The following OOSP2 variants were observed in gnomAD, a reference collection of about 807,000 sequenced individuals.
OOSP2 encodes the protein oocyte secreted protein 2.
Under a neutral mutation model 13.4 loss-of-function variants are expected in OOSP2, and 7 were observed. The observed-to-expected ratio is 0.52, with a 90% CI of 0.30 to 0.98. OOSP2 has a LOEUF of 0.98. Ranked by LOEUF, OOSP2 falls within the 50% of genes least tolerant of loss-of-function variation. The pLI is 0.07. For synonymous variants in OOSP2, 75 were observed against 67.2 expected (o/e 1.12, Z -0.57); for missense variants, 184 against 188.5 (o/e 0.98, Z 0.14).
chr11:60,040,463 G>A lies in OOSP2; in HGVS notation c.4G>A (p.Ala2Thr). ...GTCTGCTCAGACGAAGGTCTCCATG[G>A]CGTTAGAAGTCTTGATGCTCCTCGC... The part of the protein sequence containing the change: M[A>T]LEVLMLLAVL... Residue 2 changes from alanine to threonine, a missense_variant, in exon 1 of 4, where the codon GCG becomes ACG. Ala to Thr is a moderately conservative substitution (Grantham distance 58, BLOSUM62 0). Transcript: ENST00000278855. 1 of 1,590,212 alleles carries A rather than the reference G, an allele frequency of 6.3e-7. No homozygotes were observed. Among genetic ancestry groups the A allele is most frequent in the Non-Finnish European group, 8.6e-7 (1 of 1,158,214 alleles).
intron 3 of OOSP2, among the ~76,000 whole-genome samples, chr11:60,046,464 G>A (rs1855009600): frequency 6.6e-6 from 1 of 151,786 alleles, no homozygotes; most frequent in Admixed American, 6.6e-5. Context: ...ATGAAGACTT[G>A]GCCAACAAAG....
chr11:60,041,850 C>CAAAAAAAAAAAAAAA (rs571172974), intron 1 of OOSP2, among the ~76,000 whole-genome samples: 5 of 36,438 alleles, frequency 1.4e-4, no homozygotes, highest in African/African-American at 4.7e-4. Flanking sequence ...GACTCTGTCT[C>CAAAAAAAAAAAAAAA]AAAAAAAAAA....
intron 3 of OOSP2, chr11:60,046,717 T>C (rs772652401): frequency 4.3e-5 from 28 of 643,996 alleles, no homozygotes; most frequent in Non-Finnish European, 6.6e-5. Context: ...TACTCAGTGT[T>C]TGATGCAGAA....
chr11:60,047,153 T>C lies in OOSP2; in HGVS notation c.*80T>C, dbSNP rs1366095777. ...GTTTCATTTTTTCATAGCAAAAATA[T>C]AGTTGGTGTATATCTCTCCTTAAGT... On this transcript the variant is annotated 3_prime_UTR_variant, in exon 4 of 4. Transcript: ENST00000278855. 2.5e-6 allele frequency: 3 copies of C among 1,203,578 alleles called. 1 individual carries two copies. Among genetic ancestry groups the C allele is most frequent in the South Asian group, 2.9e-5 (2 of 68,838 alleles). The allele number at this position is 1,203,578 out of a possible 1,614,324, so 74.6% of individuals were successfully genotyped here. A position where few individuals can be genotyped will look rare whatever the true frequency, so the allele number is the denominator to read the frequency against.
rs1396517841 is a variant in OOSP2 at position 60,046,971 on chromosome 11, T to C, written c.375T>C (p.Ser125=). The C allele has an allele frequency of 6.2e-7, 1 of 1,610,372 alleles. No homozygotes were observed. Among genetic ancestry groups the C allele is most frequent in the Non-Finnish European group, 8.5e-7 (1 of 1,176,664 alleles). ...AATCAGTGTGGCTTACACCAGTTTC[T>C]ACTGAGAATGAAATAAAATTGGATC... ...SRKSVWLTPV[S]TENEIKLDPS... Residue 125 remains serine, a synonymous_variant, in exon 4 of 4, where the codon TCT becomes TCC. Coordinates refer to ENST00000278855, the MANE Select transcript of OOSP2 (RefSeq NM_173801.5).
rs189418565 is a variant in OOSP2, at chr11:60,044,483, G to A, written c.244-188G>A. Among the ~76,000 whole-genome samples, 580 of 152,298 alleles carry A rather than the reference G, an allele frequency of 3.8e-3. 3 individuals carry two copies. The highest frequency in any genetic ancestry group is 0.013 in the African/African-American group (544 of 41,578). On this transcript the variant is annotated intron_variant, in intron 2 of 3. Transcript: ENST00000278855. ...TGAATTAAGATTGTTTTGCCCCCAGGCATTTTAAATTCACTCTTAGGGATA... is the reference window on the plus strand; with the variant it reads ...TGAATTAAGATTGTTTTGCCCCCAGACATTTTAAATTCACTCTTAGGGATA...
intron 1 of OOSP2, among the ~76,000 whole-genome samples, chr11:60,041,937 G>A (rs992118191): frequency 6.6e-6 from 1 of 151,270 alleles, no homozygotes; most frequent in Non-Finnish European, 1.5e-5. Flanking sequence ...AGCACTTTGG[G>A]AGCCCAAGGT....
In OOSP2 at chr11:60,044,745, G is replaced by A. The variant is rs1319875685; in HGVS notation, c.318G>A (p.Gln106=). 6.3e-7 allele frequency: 1 copy of A among 1,595,984 alleles called. No homozygotes were observed. The highest frequency in any genetic ancestry group is 1.1e-5 in the South Asian group (1 of 90,380). The change falls in exon 3 of 4, where the codon CAG becomes CAA. Residue 106 remains glutamine (Q), a synonymous_variant. Transcript: ENST00000278855. ...FTPRNIDHDP[Q]EIHLECSTSR... ...CAAGGAATATAGATCATGACCCTCA[G>A]GAAATCCATTTGGAGTGTTCCACCT...
chr11:60,044,803 A>G (rs1854988355), intron 3 of OOSP2, 29 bp downstream of exon 3: 2 of 1,088,446 alleles, frequency 1.8e-6, no homozygotes, highest in Middle Eastern at 2.0e-4. Flanking sequence ...ATTCCTTTGG[A>G]ATGTTTTAGC....
At position 60,043,594 on chromosome 11, in the gene OOSP2, A is replaced by G. The variant is rs1314868911; in HGVS notation, c.190A>G (p.Thr64Ala). 5 of 1,608,374 alleles carry G rather than the reference A, an allele frequency of 3.1e-6. No homozygotes were observed. The South Asian group carries it at 5.5e-5, about 18-fold the overall frequency. ...GMGCPANRIH[T>A]YVYEFIYLVR... ...GGGCTGCCCTGCAAATCGGATACAT[A>G]CATATGTATATGAGTTTATATATCT... is the stretch of plus-strand genomic sequence containing the variant. Residue 64 changes from threonine to alanine, a missense_variant, in exon 2 of 4, where the codon ACA becomes GCA. Coordinates refer to ENST00000278855, the MANE Select transcript of OOSP2 (RefSeq NM_173801.5).
intron 3 of OOSP2, among the ~76,000 whole-genome samples, chr11:60,046,174 CCTCT>C (rs2134642133): frequency 6.6e-6 from 1 of 150,644 alleles, no homozygotes; most frequent in African/African-American, 2.4e-5. Context: ...TCTCGCTCTG[CCTCT>C]CTCTCGGTTT....
rs578259928 is a variant in OOSP2 at position 60,040,642 on chromosome 11, A to G, written c.64+119A>G. ...CTTATTCTAACTGGCTAGAAGAAGA[A>G]GCGCTTTCAGGCCAAGTAGACTTGT... On this transcript the variant is annotated intron_variant, in intron 1 of 3. Transcript: ENST00000278855. The G allele has an allele frequency of 4.6e-6, 3 of 656,382 alleles. No individual in the cohort carries two copies. In the African/African-American group the frequency reaches 5.4e-5, roughly 12 times the overall value. 40.7% of individuals were successfully genotyped at this position (656,382 alleles called of 1,614,324 possible).
At position 60,047,116 on chromosome 11, in the gene OOSP2, T is replaced by C. The variant is rs544044188; in HGVS notation, c.*43T>C. On this transcript the variant is annotated 3_prime_UTR_variant, in exon 4 of 4. Transcript: ENST00000278855. The stretch of plus-strand genomic sequence containing the variant: ...AACTTGAAGCTGGTGTTATGTATTT[T>C]GCAGGAAAACAGTTTCATTTTTTCA... 1.9e-6 allele frequency: 3 copies of C among 1,544,188 alleles called. No individual in the cohort carries two copies. Among genetic ancestry groups the C allele is most frequent in the Non-Finnish European group, 2.6e-6 (3 of 1,140,096 alleles).
Position 60,044,679 on chromosome 11 carries a change from T to C in OOSP2, c.252T>C (p.Ser84=), listed in dbSNP as rs1421678547. ...ACTTCATGCTCTCCTAGGTAGTTTC[T>C]GAGGAAACTCTCCTTTTTCAAACCG... The part of the protein sequence containing the change: ...RDCGIRTRVV[S]EETLLFQTEL... The change falls in exon 3 of 4, where the codon TCT becomes TCC. Residue 84 remains serine (S), a synonymous_variant. Coordinates refer to ENST00000278855, the MANE Select transcript of OOSP2 (RefSeq NM_173801.5). 1 of 1,526,742 alleles carries C rather than the reference T, an allele frequency of 6.5e-7. No individual in the cohort carries two copies. The highest frequency in any genetic ancestry group is 9.1e-7 in the Non-Finnish European group (1 of 1,101,796). 94.6% of individuals were successfully genotyped at this position (1,526,742 alleles called of 1,614,324 possible). A position where few individuals can be genotyped will look rare whatever the true frequency, so the allele number is the denominator to read the frequency against.
intron 3 of OOSP2, among the ~76,000 whole-genome samples, chr11:60,046,237 C>G (rs1228409608): frequency 6.6e-6 from 1 of 151,986 alleles, no homozygotes; most frequent in African/African-American, 2.4e-5. Context: ...CCCTGTCTCT[C>G]TCCATCTCCA....
chr11:60,043,585 C>T lies in OOSP2; in HGVS notation c.181C>T (p.Arg61Trp), dbSNP rs776734804. 1.2e-5 allele frequency: 19 copies of T among 1,608,158 alleles called. No homozygotes were observed. Among genetic ancestry groups the T allele is most frequent in the Admixed American group, 1.7e-5 (1 of 59,952 alleles). ...LHLGMGCPAN[R>W]IHTYVYEFIY... ...TCTGGGAATGGGCTGCCCTGCAAAT[C>T]GGATACATACATATGTATATGAGTT... The change falls in exon 2 of 4, where the codon CGG becomes TGG. Residue 61 changes from arginine to tryptophan, a missense_variant. Coordinates refer to ENST00000278855, the MANE Select transcript of OOSP2 (RefSeq NM_173801.5).
intron 2 of OOSP2, 31 bp from the exon 3 acceptor site, chr11:60,044,640 T>C: frequency 1.0e-6 from 1 of 979,110 alleles, no homozygotes; most frequent in East Asian, 2.4e-5. Flanking sequence ...TTACTCCAAA[T>C]ATCTTCCACT....
chr11:60,045,549 A>G (rs1314474926), intron 3 of OOSP2, among the ~76,000 whole-genome samples: 1 of 152,166 alleles, frequency 6.6e-6, no homozygotes, highest in Non-Finnish European at 1.5e-5. Flanking sequence ...ATGTGATTAT[A>G]GTACTTTTTC....
intron 1 of OOSP2, among the ~76,000 whole-genome samples, chr11:60,042,970 T>C (rs1449437198): frequency 6.6e-6 from 1 of 152,044 alleles, no homozygotes; most frequent in Non-Finnish European, 1.5e-5. Context: ...AGTGGCGCGA[T>C]CTTGGTTCAC....
Sources: allele counts gnomAD v4.1 joint callset (sites outside exome capture counted in the v4.1 genomes callset), GRCh38; gene constraint gnomAD v4.1.1; transcripts MANE v1.5; gene names NCBI Gene and HGNC (gene_info 2026-07-23, HGNC 2026-07-21).